The following WASHC2A variants were observed in gnomAD, a reference collection of about 807,000 sequenced individuals.
WASHC2A encodes WASH complex subunit 2A.
In WASHC2A, 82 loss-of-function variants were observed where a neutral mutation model predicts 140.3. That is an observed-to-expected ratio of 0.58 (90% confidence interval 0.49 to 0.70). The LOEUF (loss-of-function observed/expected upper bound fraction) is 0.70, where lower values mean the gene tolerates loss of function less well. Among genes scored for constraint, WASHC2A ranks in the 30% least tolerant of loss-of-function variants. The pLI, the probability that WASHC2A is intolerant of heterozygous loss-of-function variation, is 0.00. For missense variants in WASHC2A, 985 were observed against 1,521.8 expected (o/e 0.65, Z 5.87); for synonymous variants, 340 against 560.8 (o/e 0.61, Z 5.56).
In WASHC2A at chr10:50,132,786, C is replaced by T. The variant is rs369909007; in HGVS notation, c.3887-20C>T. 0.32 allele frequency: 508,008 copies of T among 1,598,400 alleles called. 65,482 individuals are homozygous for T. The highest frequency in any genetic ancestry group is 0.4 in the Admixed American group (22,829 of 57,522). ...TCTCCACCCCTCTTCAGCAACCGTT[C>T]TTCTTTTTTCTTTCTAAAGATGACA... On this transcript the variant is annotated intron_variant, in intron 30 of 30. Coordinates refer to ENST00000282633, the MANE Select transcript of WASHC2A (RefSeq NM_001005751.3).
chr10:50,084,719 G>A (rs1310248902), intron 6 of WASHC2A, among the ~76,000 whole-genome samples: 7 of 138,060 alleles, frequency 5.1e-5, no homozygotes, highest in African/African-American at 1.4e-4. Flanking sequence ...ATGAGCCACC[G>A]TGCCCGGCTG....
At chr10:50,072,878 G>C (rs1271177242) in intron 3 of WASHC2A, among the ~76,000 whole-genome samples, 5 of 152,072 alleles carry the variant, frequency 3.3e-5, no homozygotes, top group Non-Finnish European at 7.4e-5. Flanking sequence ...TTGGTTTCAT[G>C]GTAATTTATC....
chr10:50,095,272 T>C (rs1589208487), intron 14 of WASHC2A, 65 bp downstream of exon 14: 1 of 1,313,704 alleles, frequency 7.6e-7, no homozygotes, highest in Non-Finnish European at 1.0e-6. Context: ...TTCAAAATTA[T>C]CATCTTCTAA....
chr10:50,126,316 A>G, intron 26 of WASHC2A, 137 bp downstream of exon 26: 1 of 1,525,528 alleles, frequency 6.6e-7, no homozygotes, highest in Non-Finnish European at 9.0e-7. Flanking sequence ...CTTTGTCTTC[A>G]CTGCACTCCC....
chr10:50,078,352 A>G (rs1449702830), intron 3 of WASHC2A, among the ~76,000 whole-genome samples: 1 of 152,214 alleles, frequency 6.6e-6, no homozygotes, highest in Non-Finnish European at 1.5e-5. Flanking sequence ...GCCCATCAAC[A>G]TTATTAGGTT....
At chr10:50,113,099 C>T (rs1842417173) in intron 20 of WASHC2A, among the ~76,000 whole-genome samples, 1 of 152,084 alleles carries the variant, frequency 6.6e-6, no homozygotes, top group African/African-American at 2.4e-5. Context: ...CCAGGTGCAA[C>T]GGCTCATGCC....
Position 50,090,844 on chromosome 10 carries a change from G to A in WASHC2A, c.801G>A (p.Lys267=), listed in dbSNP as rs1308673811. The A allele has an allele frequency of 2.7e-5, 44 of 1,611,498 alleles. No homozygotes were observed. The East Asian group carries it at 9.1e-4, about 33-fold the overall frequency. The part of the protein sequence containing the change: ...DGCDLFADSE[K]EEEDIEDIEE... ...GTGACCTTTTCGCTGACTCTGAGAA[G>A]GAGGAGGAAGATATTGAGGACATTG... Residue 267 remains lysine, a synonymous_variant, in exon 9 of 31, where the codon AAG becomes AAA. Transcript: ENST00000282633.
chr10:50,129,827 A>C lies in WASHC2A; in HGVS notation c.3496A>C (p.Lys1166Gln). The C allele has an allele frequency of 1.9e-6, 3 of 1,612,078 alleles. No individual in the cohort carries two copies. Among genetic ancestry groups the C allele is most frequent in the Non-Finnish European group, 2.5e-6 (3 of 1,179,872 alleles). ...TCCTGCCAACCCACCAGTGGGTGGT[A>C]AAGCAAAGAGCCCCATGTTTCCTGC... ...ENPANPPVGG[K>Q]AKSPMFPALG... Residue 1166 changes from lysine (K) to glutamine (Q), a missense_variant, in exon 29 of 31, where the codon AAA (lysine) becomes CAA (glutamine). Transcript: ENST00000282633.
intron 25 of WASHC2A, 97 bp downstream of exon 25, chr10:50,125,546 G>C: frequency 6.2e-7 from 1 of 1,609,378 alleles, no homozygotes; most frequent in Non-Finnish European, 8.5e-7. Context: ...TCCTAGGAGA[G>C]TCGTGCTGCT....
At position 50,126,146 on chromosome 10, in the gene WASHC2A, A is replaced by G; in HGVS notation, c.2778A>G (p.Lys926=). ...ATCCTGAATCCATTCAAGGTAGTAAAGAAAAAGGCATATGGAAGCCGGAAA... is the reference window on the plus strand; with the variant it reads ...ATCCTGAATCCATTCAAGGTAGTAAGGAAAAAGGCATATGGAAGCCGGAAA... ...QKHPESIQGS[K]EKGIWKPETP... is the part of the protein sequence containing the mutation. The change falls in exon 26 of 31, where the codon AAA becomes AAG. Residue 926 remains lysine, a synonymous_variant. Transcript: ENST00000282633. 1 of 1,613,754 alleles carries G rather than the reference A, an allele frequency of 6.2e-7. No homozygotes were observed. Among genetic ancestry groups the G allele is most frequent in the African/African-American group, 1.3e-5 (1 of 74,990 alleles).
rs1290013384 is a variant in WASHC2A, at chr10:50,127,807, A to C, written c.3087+12A>C. The C allele has an allele frequency of 7.4e-7, 1 of 1,353,612 alleles. No homozygotes were observed. Among genetic ancestry groups the C allele is most frequent in the South Asian group, 1.3e-5 (1 of 79,000 alleles). 83.9% of individuals were successfully genotyped at this position (1,353,612 alleles called of 1,614,324 possible). Reference sequence around the variant, plus strand: ...ACAGTGCAAACAAGGTGATGAAACCATCTTTGCTTCCTTGCTCTCTTCTTT... The same window carrying C: ...ACAGTGCAAACAAGGTGATGAAACCCTCTTTGCTTCCTTGCTCTCTTCTTT... On this transcript the variant is annotated intron_variant, in intron 28 of 30. Coordinates refer to ENST00000282633, the MANE Select transcript of WASHC2A (RefSeq NM_001005751.3).
Position 50,131,209 on chromosome 10 carries a change from G to T in WASHC2A, c.3886+131G>T, listed in dbSNP as rs1445966794. The T allele has an allele frequency of 1.6e-5, 12 of 741,122 alleles. No homozygotes were observed. The East Asian group carries it at 2.9e-4, about 18-fold the overall frequency. The allele number at this position is 741,122 out of a possible 1,614,324, so 45.9% of individuals were successfully genotyped here. Reference sequence around the variant, plus strand: ...CGGGTTCACTTCAGTGTAATCCTGAGTTAGGCTGAAGATAGGTAAGAGATG... The same window carrying T: ...CGGGTTCACTTCAGTGTAATCCTGATTTAGGCTGAAGATAGGTAAGAGATG... On this transcript the variant is annotated intron_variant, in intron 30 of 30. Coordinates refer to ENST00000282633, the MANE Select transcript of WASHC2A (RefSeq NM_001005751.3).
At chr10:50,124,021 A>G (rs1342503374) in intron 23 of WASHC2A, among the ~76,000 whole-genome samples, 1 of 152,230 alleles carries the variant, frequency 6.6e-6, no homozygotes, top group African/African-American at 2.4e-5. Flanking sequence ...TCATTTTTAT[A>G]TATAACAATA....
At position 50,068,215 on chromosome 10, in the gene WASHC2A, G is replaced by A; in HGVS notation, c.114G>A (p.Ala38=). 6.3e-7 allele frequency: 1 copy of A among 1,580,258 alleles called. No individual in the cohort carries two copies. The highest frequency in any genetic ancestry group is 8.6e-7 in the Non-Finnish European group (1 of 1,163,226). The change falls in exon 2 of 31, where the codon GCG becomes GCA. Residue 38 remains alanine, a synonymous_variant. Coordinates refer to ENST00000282633, the MANE Select transcript of WASHC2A (RefSeq NM_001005751.3). The part of the protein sequence containing the change: ...IRRSSQSWSL[A]ADAGLLQFLQ... ...GGAGCAGCCAGAGCTGGTCGCTGGC[G>A]GCCGACGCGGGCGTGAGAGGCGGGC...
chr10:50,076,232 A>G (rs1838300482), intron 3 of WASHC2A, among the ~76,000 whole-genome samples: 1 of 152,204 alleles, frequency 6.6e-6, no homozygotes, highest in Non-Finnish European at 1.5e-5. Context: ...TGAGCCTCCT[A>G]AAGTGCTGGG....
chr10:50,069,667 T>G lies in WASHC2A; in HGVS notation c.247T>G (p.Phe83Val). The G allele has an allele frequency of 6.2e-7, 1 of 1,613,986 alleles. No homozygotes were observed. The highest frequency in any genetic ancestry group is 8.5e-7 in the Non-Finnish European group (1 of 1,179,866). ...CACAGATTGTCGCCTGCATAATGTC[T>G]TCAATGACTTCCTTATGCTCTCTAA... ...KATDCRLHNV[F>V]NDFLMLSNTQ... The change falls in exon 3 of 31, where the codon TTC (phenylalanine) becomes GTC (valine). Residue 83 changes from phenylalanine (F) to valine (V), a missense_variant. Physicochemically the swap from Phe to Val is conservative, Grantham distance 50 (BLOSUM62 -1). Transcript: ENST00000282633.
At chr10:50,077,489 T>C (rs1470468858) in intron 3 of WASHC2A, among the ~76,000 whole-genome samples, 1 of 152,138 alleles carries the variant, frequency 6.6e-6, no homozygotes, top group East Asian at 1.9e-4. Context: ...TATATTGACT[T>C]AAAATTTTAA....
At chr10:50,081,834 T>C (rs1226207801) in intron 5 of WASHC2A, among the ~76,000 whole-genome samples, 1 of 152,056 alleles carries the variant, frequency 6.6e-6, no homozygotes, top group Non-Finnish European at 1.5e-5. Context: ...GGTTTCACCA[T>C]GTTGGCCAGG....
Position 50,110,274 on chromosome 10 carries a change from A to C in WASHC2A, c.2039+4A>C. On this transcript the variant is annotated splice_donor_region_variant and intron_variant, in intron 20 of 30. Coordinates refer to ENST00000282633, the MANE Select transcript of WASHC2A (RefSeq NM_001005751.3). Reference sequence around the variant, plus strand: ...TTTTTGCCATTGCCAAGGACAGGTGAGATAGTCATTGGAAGGAGTCCCTCA... The same window carrying C: ...TTTTTGCCATTGCCAAGGACAGGTGCGATAGTCATTGGAAGGAGTCCCTCA... The C allele has an allele frequency of 6.2e-7, 1 of 1,611,682 alleles. No homozygotes were observed. Among genetic ancestry groups the C allele is most frequent in the Non-Finnish European group, 8.5e-7 (1 of 1,179,722 alleles).
Sources: allele counts gnomAD v4.1 joint callset (sites outside exome capture counted in the v4.1 genomes callset), GRCh38; gene constraint gnomAD v4.1.1; transcripts MANE v1.5; gene names NCBI Gene and HGNC (gene_info 2026-07-23, HGNC 2026-07-21).